MUSK: variants seen among roughly 807,000 people sequenced by gnomAD.
The protein encoded by MUSK is muscle, skeletal receptor tyrosine-protein kinase.
MUSK carries 55 observed loss-of-function variants against 88.7 expected under a neutral mutation model. The ratio of observed to expected loss-of-function variants is 0.62; its 90% CI spans 0.50 to 0.78. The LOEUF (loss-of-function observed/expected upper bound fraction) is 0.78. MUSK is among the 30% of genes least tolerant of loss of function. The pLI is 0.00. For missense variants in MUSK, 1,015 were observed against 1,074.3 expected, an observed-to-expected ratio of 0.94 and a Z score of 0.77; for synonymous variants, 387 against 391.9, an observed-to-expected ratio of 0.99 and a Z score of 0.15.
chr9:110,676,343 C>CATATATTATATATTATACATTATATATT (rs2076028384), intron 1 of MUSK, among the ~76,000 whole-genome samples: 1 of 112,742 alleles, frequency 8.9e-6, no homozygotes, highest in Non-Finnish European at 2.0e-5. Context: ...CATACACACA[C>CATATATTATATATTATACATTATATATT]ATATATTATA....
chr9:110,682,607 C>T lies in MUSK; in HGVS notation c.80-67C>T, dbSNP rs1340512493. On this transcript the variant is annotated intron_variant, in intron 1 of 14. Transcript: ENST00000374448. ...CATTCAGGTATGTAATGGCTTCTGA[C>T]TGCTTAAGGAAGGGTTAGTAAACAA... 4.7e-5 allele frequency: 72 copies of T among 1,536,810 alleles called. 1 individual carries two copies. Among genetic ancestry groups the T allele is most frequent in the Middle Eastern group, 1.7e-4 (1 of 5,788 alleles).
intron 3 of MUSK, among the ~76,000 whole-genome samples, chr9:110,688,280 A>C (rs1587898945): frequency 6.6e-6 from 1 of 152,044 alleles, no homozygotes; most frequent in African/African-American, 2.4e-5. Flanking sequence ...AGAAATTTTA[A>C]CAGCCATGAA....
At chr9:110,731,579 C>T (rs1587967007) in intron 5 of MUSK, among the ~76,000 whole-genome samples, 1 of 152,118 alleles carries the variant, frequency 6.6e-6, no homozygotes, top group East Asian at 1.9e-4. Context: ...GCCTTATTGT[C>T]CTCTTAACCT....
chr9:110,712,538 A>G (rs2076685372), intron 5 of MUSK, among the ~76,000 whole-genome samples: 1 of 152,180 alleles, frequency 6.6e-6, no homozygotes, highest in Non-Finnish European at 1.5e-5. Context: ...TAAATGACAC[A>G]GCTTCAGGAT....
chr9:110,742,388 G>A (rs753129954), intron 6 of MUSK, among the ~76,000 whole-genome samples: 30 of 152,096 alleles, frequency 2.0e-4, no homozygotes, highest in Non-Finnish European at 3.5e-4. Flanking sequence ...TCCAGGAGGT[G>A]GAGGTTACAG....
intron 7 of MUSK, among the ~76,000 whole-genome samples, chr9:110,754,349 G>T: frequency 6.6e-6 from 1 of 152,224 alleles, no homozygotes; most frequent in East Asian, 1.9e-4. Context: ...TATAATATTG[G>T]TGGATATTTT....
At position 110,805,652 on chromosome 9, in the gene MUSK, T is replaced by C. The variant is rs1046146226; in HGVS notation, c.*4664T>C. The stretch of plus-strand genomic sequence containing the variant: ...GTAGGTTTTATCAATCAGAAAAGAA[T>C]GTTGACTTTTCCGTCCATTCAGATG... On this transcript the variant is annotated 3_prime_UTR_variant, in exon 15 of 15. Transcript: ENST00000374448. Among the ~76,000 whole-genome samples the C allele has an allele frequency of 1.8e-4, 27 of 152,030 alleles. No individual in the cohort carries two copies. Among genetic ancestry groups the C allele is most frequent in the Non-Finnish European group, 1.3e-4 (9 of 67,876 alleles).
chr9:110,713,776 G>A (rs994643424), intron 5 of MUSK, among the ~76,000 whole-genome samples: 10 of 152,022 alleles, frequency 6.6e-5, no homozygotes, highest in South Asian at 2.1e-4. Flanking sequence ...TAAAATTTCC[G>A]GTTGGCTAAA....
chr9:110,702,968 CA>C (rs950305044), intron 5 of MUSK, among the ~76,000 whole-genome samples: 62 of 151,602 alleles, frequency 4.1e-4, no homozygotes, highest in African/African-American at 1.4e-3. Context: ...CACACACACA[CA>C]AAACATTGGT....
intron 8 of MUSK, among the ~76,000 whole-genome samples, chr9:110,767,254 C>T (rs1000693289): frequency 6.6e-6 from 1 of 152,154 alleles, no homozygotes; most frequent in Non-Finnish European, 1.5e-5. Flanking sequence ...CTTTCTCCTC[C>T]CTACATCACT....
At chr9:110,755,982 A>G (rs1332967350) in intron 7 of MUSK, among the ~76,000 whole-genome samples, 16 of 108,922 alleles carry the variant, frequency 1.5e-4, no homozygotes, top group African/African-American at 2.6e-4. Context: ...ATATATACAT[A>G]TATATATATA....
chr9:110,697,273 A>G, intron 4 of MUSK, 52 bp from the exon 5 acceptor site: 1 of 1,593,732 alleles, frequency 6.3e-7, no homozygotes, highest in Non-Finnish European at 8.6e-7. Context: ...TGGCAAATGT[A>G]TCCTTGATAG....
intron 5 of MUSK, among the ~76,000 whole-genome samples, chr9:110,723,949 A>G (rs943188284): frequency 2.6e-5 from 4 of 151,786 alleles, no homozygotes; most frequent in South Asian, 2.1e-4. Flanking sequence ...TGTTCTTCCC[A>G]TCTTTTAGTT....
intron 4 of MUSK, among the ~76,000 whole-genome samples, chr9:110,696,664 T>C (rs563932698): frequency 1.3e-5 from 2 of 152,312 alleles, no homozygotes; most frequent in Admixed American, 1.3e-4. Context: ...AAAAGACAGA[T>C]GTAATATTTA....
chr9:110,699,003 A>T (rs2076468637), intron 5 of MUSK, among the ~76,000 whole-genome samples: 1 of 152,204 alleles, frequency 6.6e-6, no homozygotes, highest in Non-Finnish European at 1.5e-5. Flanking sequence ...GATATTAAAA[A>T]TAAGCTTTCT....
chr9:110,768,270 G>A (rs998900485), intron 9 of MUSK, among the ~76,000 whole-genome samples, 187 bp downstream of exon 9: 1 of 152,202 alleles, frequency 6.6e-6, no homozygotes, highest in African/African-American at 2.4e-5. Flanking sequence ...GGCCGAAGTG[G>A]GTGGATCACT....
intron 6 of MUSK, among the ~76,000 whole-genome samples, chr9:110,742,069 T>C (rs2077107346): frequency 6.6e-6 from 1 of 152,178 alleles, no homozygotes; most frequent in Non-Finnish European, 1.5e-5. Context: ...TCATTTAAAA[T>C]TTGATTCTTA....
chr9:110,735,467 G>A lies in MUSK; in HGVS notation c.753+1092G>A, dbSNP rs992493970. On this transcript the variant is annotated intron_variant, in intron 6 of 14. Transcript: ENST00000374448. ...AAGTGAAATAAACCAGACACAGCAA[G>A]AAAAGTATTTCATGTTCTCTTTCAT... Among the ~76,000 whole-genome samples the A allele has an allele frequency of 2.6e-5, 4 of 152,172 alleles. No homozygotes were observed. In the East Asian group the frequency reaches 7.7e-4, roughly 29 times the overall value.
intron 8 of MUSK, among the ~76,000 whole-genome samples, chr9:110,763,500 C>T (rs1379564774): frequency 2.0e-5 from 3 of 152,086 alleles, no homozygotes; most frequent in Non-Finnish European, 4.4e-5. Flanking sequence ...CTTGCTGACC[C>T]CTGCCTTGGA....
Sources: allele counts gnomAD v4.1 joint callset (sites outside exome capture counted in the v4.1 genomes callset), GRCh38; gene constraint gnomAD v4.1.1; transcripts MANE v1.5; gene names NCBI Gene and HGNC (gene_info 2026-07-23, HGNC 2026-07-21).